The following SGK1 variants were observed in gnomAD, a reference collection of about 807,000 sequenced individuals.
The protein encoded by SGK1 is serum/glucocorticoid regulated kinase 1, also known as serine/threonine-protein kinase Sgk1.
A neutral mutation model predicts 64.2 loss-of-function variants in SGK1; 26 were observed. The ratio of observed to expected loss-of-function variants is 0.40; its 90% CI spans 0.30 to 0.56. The LOEUF (loss-of-function observed/expected upper bound fraction) is 0.56, where lower values mean the gene tolerates loss of function less well. Ranked by LOEUF, SGK1 falls within the 20% of genes least tolerant of loss-of-function variation. SGK1 has a pLI of 0.38. For synonymous variants in SGK1, 265 were observed against 239.7 expected, an observed-to-expected ratio of 1.11 and a Z score of -0.98; for missense variants, 519 against 645.6, an observed-to-expected ratio of 0.80 and a Z score of 2.12.
At chr6:134,220,058 CAAAAAAAAAAAAAAAAAAAAAAAAA>C (rs55870107) in intron 2 of SGK1, among the ~76,000 whole-genome samples, 14 of 61,380 alleles carry the variant, frequency 2.3e-4, no homozygotes, top group Admixed American at 1.1e-3. Context: ...GACTCCGTCT[CAAAAAAAAAAAAAAAAAAAAAAAAA>C]AAAAGAAAAG....
At chr6:134,172,041 T>C (rs192089318) in intron 10 of SGK1, 152 bp downstream of exon 10, 149 of 900,952 alleles carry the variant, frequency 1.7e-4, no homozygotes, top group Non-Finnish European at 2.4e-4. Context: ...TTTCTCATGC[T>C]ACATCAAACA....
chr6:134,241,695 G>A (rs1010456063), intron 2 of SGK1, among the ~76,000 whole-genome samples: 10 of 152,162 alleles, frequency 6.6e-5, no homozygotes, highest in African/African-American at 4.8e-5. Flanking sequence ...ATCTCGGCTC[G>A]CTGCAAGCTC....
chr6:134,185,340 C>T (rs1413658153), intron 3 of SGK1, among the ~76,000 whole-genome samples: 3 of 152,112 alleles, frequency 2.0e-5, no homozygotes, highest in Non-Finnish European at 2.9e-5. Context: ...CTTTATATCC[C>T]TTTATATCCT....
intron 1 of SGK1, among the ~76,000 whole-genome samples, chr6:134,269,287 T>G (rs1326753420): frequency 6.8e-6 from 1 of 147,256 alleles, no homozygotes; most frequent in Non-Finnish European, 1.5e-5. Flanking sequence ...ATTTTTTTTT[T>G]TTAATTATAG....
At chr6:134,191,807 T>A (rs1209224556) in intron 3 of SGK1, among the ~76,000 whole-genome samples, 1 of 145,058 alleles carries the variant, frequency 6.9e-6, no homozygotes. Flanking sequence ...TAGCTGGGAC[T>A]ACAGGCATGC....
chr6:134,316,985 T>C (rs943701847), intron 1 of SGK1, among the ~76,000 whole-genome samples: 1 of 152,002 alleles, frequency 6.6e-6, no homozygotes, highest in East Asian at 1.9e-4. Context: ...TGAGACTGAG[T>C]GGATGAAAGG....
Position 134,170,361 on chromosome 6 carries a change from GGA to G in SGK1, c.1486_1487del (p.Ser496ProfsTer2). ...TGGCTGTGACGAGGACGCTGTCAGG[GGA>G]CTTGCCAATGGAGTTGGGGACAGGC... is the stretch of plus-strand genomic sequence containing the variant. The part of the protein sequence containing the change: ...EEPVPNSIGK[S>X]PDSVLVTASV... On this transcript the variant is annotated frameshift_variant, in exon 14 of 14. Coordinates refer to ENST00000367858, the MANE Select transcript of SGK1 (RefSeq NM_001143676.3). LOFTEE classifies it high-confidence loss of function. 1 of 1,614,150 alleles carries G rather than the reference GGA, an allele frequency of 6.2e-7. No individual in the cohort carries two copies. Among genetic ancestry groups the G allele is most frequent in the Non-Finnish European group, 8.5e-7 (1 of 1,180,002 alleles).
At chr6:134,288,340 C>T (rs1777216241) in intron 1 of SGK1, among the ~76,000 whole-genome samples, 1 of 152,144 alleles carries the variant, frequency 6.6e-6, no homozygotes, top group Admixed American at 6.5e-5. Context: ...TTGCAATAAA[C>T]ACAGAGAACT....
rs185419078 is a variant in SGK1, at chr6:134,170,823, C to T, written c.1413+3G>A. The T allele has an allele frequency of 2.9e-5, 46 of 1,568,880 alleles. No homozygotes were observed. Among genetic ancestry groups the T allele is most frequent in the Non-Finnish European group, 3.9e-5 (45 of 1,139,428 alleles). On this transcript the variant is annotated splice_donor_region_variant and intron_variant, in intron 13 of 13. Coordinates refer to ENST00000367858, the MANE Select transcript of SGK1 (RefSeq NM_001143676.3). ...TATACTTAGAAGAGAGACAGATACT[C>T]ACCACATTTGGGTTAAAAGGGGGAG...
chr6:134,279,620 A>G (rs1450137202), intron 1 of SGK1, among the ~76,000 whole-genome samples: 1 of 152,134 alleles, frequency 6.6e-6, no homozygotes, highest in Non-Finnish European at 1.5e-5. Flanking sequence ...AATGCATTAC[A>G]TTAATATGGC....
chr6:134,309,882 A>C (rs1777585849), intron 1 of SGK1, among the ~76,000 whole-genome samples: 1 of 152,222 alleles, frequency 6.6e-6, no homozygotes. Context: ...TTTCTAAAAA[A>C]AATTAACTAG....
chr6:134,204,701 G>A (rs960499642), intron 3 of SGK1, among the ~76,000 whole-genome samples: 1 of 151,856 alleles, frequency 6.6e-6, no homozygotes, highest in African/African-American at 2.4e-5. Flanking sequence ...TTACAGGCAC[G>A]TGCCACACCT....
intron 3 of SGK1, chr6:134,177,874 A>G (rs1181397264): frequency 4.5e-6 from 7 of 1,551,088 alleles, no homozygotes; most frequent in Non-Finnish European, 6.1e-6. Context: ...ACCCCACTTT[A>G]TATCAAGGCA....
chr6:134,276,231 G>T (rs1013943692), intron 1 of SGK1, among the ~76,000 whole-genome samples: 4 of 152,162 alleles, frequency 2.6e-5, no homozygotes, highest in African/African-American at 9.7e-5. Context: ...TCAAGGCACA[G>T]GGAATGACAA....
At chr6:134,277,338 C>A (rs776479396) in intron 1 of SGK1, among the ~76,000 whole-genome samples, 2 of 151,990 alleles carry the variant, frequency 1.3e-5, no homozygotes, top group Non-Finnish European at 2.9e-5. Context: ...ACAAACCAAC[C>A]AACAAACAAA....
At chr6:134,199,681 T>G (rs763792094) in intron 3 of SGK1, among the ~76,000 whole-genome samples, 5 of 149,254 alleles carry the variant, frequency 3.3e-5, no homozygotes, top group Non-Finnish European at 7.4e-5. Context: ...TATATATATA[T>G]ATGAACAACG....
rs1220811639 is a variant in SGK1, at chr6:134,298,210, G to T, written c.69+19182C>A. ...CAGCCCCTGCATGTTGCCAAGCTCT[G>T]CCTCCAGCTTCAGCTTCTCCTGGCC... On this transcript the variant is annotated intron_variant, in intron 1 of 13. Transcript: ENST00000367858. The T allele has an allele frequency of 1.9e-6, 3 of 1,556,870 alleles. No individual in the cohort carries two copies. In the African/African-American group the frequency reaches 4.1e-5, roughly 21 times the overall value.
chr6:134,179,288 T>G (rs1245352055), intron 3 of SGK1, among the ~76,000 whole-genome samples: 1 of 152,158 alleles, frequency 6.6e-6, no homozygotes, highest in Non-Finnish European at 1.5e-5. Flanking sequence ...ACCATCAATT[T>G]TAGAACAATC....
intron 9 of SGK1, 32 bp from the exon 10 acceptor site, chr6:134,172,348 C>T: frequency 6.3e-7 from 1 of 1,595,582 alleles, no homozygotes; most frequent in Non-Finnish European, 8.6e-7. Context: ...AGTAGTTGCA[C>T]AAGTTAATTT....
Sources: allele counts gnomAD v4.1 joint callset (sites outside exome capture counted in the v4.1 genomes callset), GRCh38; gene constraint gnomAD v4.1.1; transcripts MANE v1.5; gene names NCBI Gene and HGNC (gene_info 2026-07-23, HGNC 2026-07-21).